THSD4: variants seen among roughly 807,000 people sequenced by gnomAD.
The protein encoded by THSD4 is thrombospondin type 1 domain containing 4, also known as thrombospondin type-1 domain-containing protein 4.
A neutral mutation model predicts 119.0 loss-of-function variants in THSD4; 69 were observed. The ratio of observed to expected loss-of-function variants is 0.58; its 90% confidence interval spans 0.48 to 0.71. THSD4 has a LOEUF of 0.71. THSD4 is among the 30% of genes least tolerant of loss of function. THSD4 has a pLI of 0.00. For synonymous variants in THSD4, 524 were observed against 540.4 expected (o/e 0.97, Z 0.42); for missense variants, 1,393 against 1,391.1 (o/e 1.00, Z -0.02).
chr15:71,215,407 C>A lies in THSD4; in HGVS notation c.464+8C>A. ...AGTCACTGGGGACAGAAGGTACACGCCCGCCCTTGTCTGTGCCGCTCCCCG... is the reference window on the plus strand; with the variant it reads ...AGTCACTGGGGACAGAAGGTACACGACCGCCCTTGTCTGTGCCGCTCCCCG... On this transcript the variant is annotated splice_region_variant and intron_variant, in intron 4 of 17. Transcript: ENST00000261862. 6.6e-7 allele frequency: 1 copy of A among 1,519,726 alleles called. No individual in the cohort carries two copies. The highest frequency in any genetic ancestry group is 1.4e-5 in the African/African-American group (1 of 71,658). The allele number at this position is 1,519,726 out of a possible 1,614,324, so 94.1% of individuals were successfully genotyped here.
chr15:71,193,176 C>T (rs954039667), intron 3 of THSD4, among the ~76,000 whole-genome samples: 2 of 152,090 alleles, frequency 1.3e-5, no homozygotes, highest in Non-Finnish European at 2.9e-5. Flanking sequence ...GCACAACTCT[C>T]AAATGGTCCT....
chr15:71,709,240 G>C (rs899800790), intron 8 of THSD4, among the ~76,000 whole-genome samples: 1 of 152,208 alleles, frequency 6.6e-6, no homozygotes, highest in Non-Finnish European at 1.5e-5. Flanking sequence ...GGGATGTAAG[G>C]GTGAATTGCC....
intron 6 of THSD4, among the ~76,000 whole-genome samples, chr15:71,379,646 G>GT (rs1274482758): frequency 6.6e-6 from 1 of 151,434 alleles, no homozygotes; most frequent in Admixed American, 6.6e-5. Context: ...TTTTAGTAGA[G>GT]ACAGGGTTTC....
intron 6 of THSD4, among the ~76,000 whole-genome samples, chr15:71,268,627 A>AG (rs58636259): frequency 0.23 from 35,141 of 151,438 alleles, 4,296 homozygotes; most frequent in Admixed American, 0.32. Flanking sequence ...TGAAGGAGAT[A>AG]GAGACATGAA....
At chr15:71,118,145 G>A (rs1482540207) in intron 1 of THSD4, among the ~76,000 whole-genome samples, 1 of 152,036 alleles carries the variant, frequency 6.6e-6, no homozygotes, top group African/African-American at 2.4e-5. Context: ...AAGAGCTCGA[G>A]GAAAGACTGA....
chr15:71,492,261 ATTTAT>A (rs2047931740), intron 7 of THSD4, among the ~76,000 whole-genome samples: 1 of 150,946 alleles, frequency 6.6e-6, no homozygotes, highest in South Asian at 2.1e-4. Context: ...TGTTTATTTT[ATTTAT>A]TTTATTTTTT....
At chr15:71,378,898 C>T (rs1373289305) in intron 6 of THSD4, among the ~76,000 whole-genome samples, 1 of 152,160 alleles carries the variant, frequency 6.6e-6, no homozygotes, top group Non-Finnish European at 1.5e-5. Flanking sequence ...ATCCTCCTGC[C>T]TCGGCCTCTT....
chr15:71,660,665 G>T lies in THSD4; in HGVS notation c.1288G>T (p.Val430Phe). The T allele has an allele frequency of 1.2e-6, 2 of 1,614,180 alleles. No individual in the cohort carries two copies. The highest frequency in any genetic ancestry group is 3.3e-5 in the Admixed American group (2 of 60,032). Residue 430 changes from valine to phenylalanine, a missense_variant, in exon 8 of 18, where the codon GTC becomes TTC. Physicochemically the swap from Val to Phe is conservative, Grantham distance 50. Coordinates refer to ENST00000261862, the MANE Select transcript of THSD4 (RefSeq NM_024817.3). The stretch of plus-strand genomic sequence containing the variant: ...CCTCACCAGCCTGGGCTACCACCGC[G>T]TCGTGGAGATTCCCGAGGGAGCCAC... ...HALTSLGYHRVVEIPEGATKI... is the reference protein window; with the variant it reads ...HALTSLGYHRFVEIPEGATKI...
intron 6 of THSD4, among the ~76,000 whole-genome samples, chr15:71,380,227 C>CT (rs1256347379): frequency 1.3e-5 from 2 of 152,096 alleles, no homozygotes; most frequent in African/African-American, 4.8e-5. Flanking sequence ...TTCCCTTCTT[C>CT]TTTTGGTCAG....
chr15:71,697,081 G>A (rs569540414), intron 8 of THSD4, among the ~76,000 whole-genome samples: 40 of 152,328 alleles, frequency 2.6e-4, no homozygotes, highest in African/African-American at 8.9e-4. Context: ...TGATAAGACG[G>A]TGAAGGAGCA....
chr15:71,356,572 A>G (rs556782438), intron 6 of THSD4, among the ~76,000 whole-genome samples: 1 of 152,196 alleles, frequency 6.6e-6, no homozygotes, highest in East Asian at 1.9e-4. Flanking sequence ...GAGAGAAGGA[A>G]GGAAAGGGAG....
At chr15:71,611,730 C>T (rs999464900) in intron 7 of THSD4, among the ~76,000 whole-genome samples, 5 of 152,232 alleles carry the variant, frequency 3.3e-5, no homozygotes, top group Admixed American at 1.3e-4. Context: ...TTGGAAATTA[C>T]AGGAGGCTTT....
chr15:71,643,590 C>A (rs1324766593), intron 7 of THSD4, among the ~76,000 whole-genome samples: 1 of 152,144 alleles, frequency 6.6e-6, no homozygotes, highest in African/African-American at 2.4e-5. Flanking sequence ...CATTAGTTTG[C>A]TAAGGTTGAC....
intron 17 of THSD4, among the ~76,000 whole-genome samples, chr15:71,771,942 G>A (rs576322058): frequency 5.3e-5 from 8 of 152,248 alleles, no homozygotes; most frequent in South Asian, 4.1e-4. Flanking sequence ...AAGGCACCTC[G>A]CACATAGATT....
intron 7 of THSD4, among the ~76,000 whole-genome samples, chr15:71,473,478 G>A (rs1028769987): frequency 5.3e-5 from 8 of 152,198 alleles, no homozygotes; most frequent in African/African-American, 1.4e-4. Context: ...AGTTGTCGCT[G>A]TTTCTGAGCC....
At chr15:71,532,873 G>T (rs7168283) in intron 7 of THSD4, among the ~76,000 whole-genome samples, 1 of 152,056 alleles carries the variant, frequency 6.6e-6, no homozygotes, top group East Asian at 1.9e-4. Context: ...CCAATGAGTT[G>T]GTTGGCTCTG....
At chr15:71,527,162 G>A (rs1430979025) in intron 7 of THSD4, among the ~76,000 whole-genome samples, 1 of 152,050 alleles carries the variant, frequency 6.6e-6, no homozygotes. Context: ...GCAACAAGGC[G>A]CCACCTTGAA....
At chr15:71,116,298 A>G (rs1596205780) in intron 1 of THSD4, among the ~76,000 whole-genome samples, 1 of 152,266 alleles carries the variant, frequency 6.6e-6, no homozygotes, top group African/African-American at 2.4e-5. Flanking sequence ...GTGCAGCCTA[A>G]GTACCTGCGG....
At chr15:71,360,274 A>G in intron 6 of THSD4, among the ~76,000 whole-genome samples, 1 of 152,202 alleles carries the variant, frequency 6.6e-6, no homozygotes, top group African/African-American at 2.4e-5. Flanking sequence ...CAGAACAAGC[A>G]TTCTAAAAGA....
Sources: allele counts gnomAD v4.1 joint callset (sites outside exome capture counted in the v4.1 genomes callset), GRCh38; gene constraint gnomAD v4.1.1; transcripts MANE v1.5; gene names NCBI Gene and HGNC (gene_info 2026-07-23, HGNC 2026-07-21).